SRP68: variants seen among roughly 807,000 people sequenced by gnomAD.
SRP68 encodes signal recognition particle 68.
Under a neutral mutation model 82.2 loss-of-function variants are expected in SRP68, and 15 were observed. That is an observed-to-expected ratio of 0.18 (90% CI 0.12 to 0.28). SRP68 has a LOEUF of 0.28. SRP68 is among the 10% of genes least tolerant of loss of function. The pLI is 1.00. For missense variants in SRP68, 595 were observed against 780.5 expected (o/e 0.76, Z 2.83); for synonymous variants, 261 against 292.6 (o/e 0.89, Z 1.10).
chr17:76,041,268 A>T lies in SRP68; in HGVS notation c.1525-290T>A, dbSNP rs573390718. 3.4e-5 allele frequency: 8 copies of T among 236,130 alleles called. No individual in the cohort carries two copies. In the South Asian group the frequency reaches 6.7e-4, roughly 20 times the overall value. 14.6% of individuals were successfully genotyped at this position (236,130 alleles called of 1,614,324 possible). On this transcript the variant is annotated intron_variant, in intron 13 of 15. Coordinates refer to ENST00000307877, the MANE Select transcript of SRP68 (RefSeq NM_014230.4). ...GGCATTGTTCTAAGCAGGTTACATA[A>T]TCACTAGCTTAACCTTCTCAATAAT...
intron 13 of SRP68, among the ~76,000 whole-genome samples, chr17:76,042,251 G>C (rs2066596763): frequency 6.6e-6 from 1 of 152,014 alleles, no homozygotes; most frequent in African/African-American, 2.4e-5. Flanking sequence ...AGCTGATGTT[G>C]CAACAAGTTC....
At position 76,055,754 on chromosome 17, in the gene SRP68, T is replaced by TA. The variant is rs747656393; in HGVS notation, c.978+1648dup. 8.7e-3 allele frequency among the ~76,000 whole-genome samples: 1,206 copies of TA among 139,290 alleles called. 16 individuals are homozygous for TA. Among genetic ancestry groups the TA allele is most frequent in the African/African-American group, 0.027 (1,020 of 38,074 alleles). The allele number at this position is 139,290 out of a possible 152,430, so 91.4% of individuals were successfully genotyped here. A position where few individuals can be genotyped will look rare whatever the true frequency, so the allele number is the denominator to read the frequency against. On this transcript the variant is annotated intron_variant, in intron 8 of 15. Coordinates refer to ENST00000307877, the MANE Select transcript of SRP68 (RefSeq NM_014230.4). Reference sequence around the variant, plus strand: ...GGGTGACAGAGAGAGACTCTGTCTTTAAAAAAAAAAAAAATGTGTATTTAA... The same window carrying TA: ...GGGTGACAGAGAGAGACTCTGTCTTTAAAAAAAAAAAAAAATGTGTATTTAA...
intron 4 of SRP68, among the ~76,000 whole-genome samples, chr17:76,062,732 T>TATATATATATATAAA (rs1227901320): frequency 9.3e-4 from 2 of 2,148 alleles, no homozygotes; most frequent in African/African-American, 6.8e-3. Flanking sequence ...ATTTATTTTA[T>TATATATATATATAAA]ATATATATAT....
chr17:76,068,330 G>A (rs1481099814), intron 2 of SRP68, among the ~76,000 whole-genome samples: 1 of 151,274 alleles, frequency 6.6e-6, no homozygotes, highest in Non-Finnish European at 1.5e-5. Flanking sequence ...GCGGGCGGGC[G>A]CCTATAATTC....
At chr17:76,068,824 G>GAGCAATTCCGGGGCTT (rs1456979793) in intron 2 of SRP68, among the ~76,000 whole-genome samples, 4 of 151,994 alleles carry the variant, frequency 2.6e-5, no homozygotes, top group Non-Finnish European at 5.9e-5. Flanking sequence ...GGCTGGGCTC[G>GAGCAATTCCGGGGCTT]AACTCCGGGG....
intron 7 of SRP68, among the ~76,000 whole-genome samples, chr17:76,058,975 A>G (rs1284443588): frequency 6.6e-6 from 1 of 152,168 alleles, no homozygotes; most frequent in East Asian, 1.9e-4. Context: ...CATGCCTGTG[A>G]TCCCCTGTGA....
intron 4 of SRP68, among the ~76,000 whole-genome samples, chr17:76,063,379 C>A (rs1252587887): frequency 6.6e-6 from 1 of 152,000 alleles, no homozygotes; most frequent in African/African-American, 2.4e-5. Flanking sequence ...AAAACATGAC[C>A]TTTCTTAAAA....
Position 76,039,437 on chromosome 17 carries a change from C to T in SRP68, c.*269G>A, listed in dbSNP as rs943472742. 1.6e-5 allele frequency: 10 copies of T among 623,214 alleles called. No individual in the cohort carries two copies. The African/African-American group carries it at 1.8e-4, about 11-fold the overall frequency. 38.6% of individuals were successfully genotyped at this position (623,214 alleles called of 1,614,324 possible). On this transcript the variant is annotated 3_prime_UTR_variant, in exon 16 of 16. Transcript: ENST00000307877. ...ACCAAAGGCAATCAATCACAGCTCA[C>T]AGGGCACCAGACAGCAGCGGCCCCT... is the stretch of plus-strand genomic sequence containing the variant.
At chr17:76,068,270 C>A (rs2066822357) in intron 2 of SRP68, among the ~76,000 whole-genome samples, 1 of 149,886 alleles carries the variant, frequency 6.7e-6, no homozygotes. Flanking sequence ...TCAGCCTGGG[C>A]AACAACAGTA....
At chr17:76,067,186 TA>T in intron 3 of SRP68, 30 bp downstream of exon 3, 1 of 1,492,286 alleles carries the variant, frequency 6.7e-7, no homozygotes, top group Non-Finnish European at 9.3e-7. Flanking sequence ...TAGCAAGAAG[TA>T]ATTTGCAACT....
chr17:76,061,534 T>G lies in SRP68; in HGVS notation c.602A>C (p.His201Pro). Residue 201 changes from histidine to proline, a missense_variant, in exon 5 of 16, where the codon CAT becomes CCT. Physicochemically the swap from His to Pro is moderately conservative, Grantham distance 77. Around this residue, in one of 2 missense-constraint regions of SRP68, gnomAD observed 495 missense variants for 688.6 expected, o/e 0.72. Transcript: ENST00000307877. Reference protein sequence around the residue: ...AYLSGMLRFEHQEWKAAIEAF... With the variant: ...AYLSGMLRFEPQEWKAAIEAF... ...CTCAATGGCAGCTTTCCATTCTTGATGTTCAAAACGTAGCATTCCTGAGAG... is the reference window on the plus strand; with the variant it reads ...CTCAATGGCAGCTTTCCATTCTTGAGGTTCAAAACGTAGCATTCCTGAGAG... 1 of 1,614,088 alleles carries G rather than the reference T, an allele frequency of 6.2e-7. No homozygotes were observed. Among genetic ancestry groups the G allele is most frequent in the South Asian group, 1.1e-5 (1 of 91,074 alleles).
chr17:76,061,135 G>A lies in SRP68; in HGVS notation c.729C>T (p.Asn243=). 6.2e-7 allele frequency: 1 copy of A among 1,612,746 alleles called. No individual in the cohort carries two copies. The highest frequency in any genetic ancestry group is 8.5e-7 in the Non-Finnish European group (1 of 1,178,670). Residue 243 remains asparagine (N), a synonymous_variant, in exon 6 of 16, where the codon AAC becomes AAT. Transcript: ENST00000307877. ...YNQRVEEISP[N]IRYCAYNIGD... ...CAATATTATATGCACAATAGCGGATGTTGGGTGAAATCTCTTCCACACGTT... is the reference window on the plus strand; with the variant it reads ...CAATATTATATGCACAATAGCGGATATTGGGTGAAATCTCTTCCACACGTT...
At chr17:76,062,677 A>ATT (rs1234030562) in intron 4 of SRP68, among the ~76,000 whole-genome samples, 1 of 37,162 alleles carries the variant, frequency 2.7e-5, no homozygotes, top group African/African-American at 3.3e-4. Flanking sequence ...TACATTATAT[A>ATT]ATATATAATA....
At chr17:76,052,251 TG>T (rs2066678416) in intron 8 of SRP68, among the ~76,000 whole-genome samples, 1 of 152,176 alleles carries the variant, frequency 6.6e-6, no homozygotes, top group African/African-American at 2.4e-5. Flanking sequence ...AGTGCAGCAC[TG>T]GAGCACATGC....
At position 76,069,513 on chromosome 17, in the gene SRP68, A is replaced by G. The variant is rs1247517716; in HGVS notation, c.251+865T>C. On this transcript the variant is annotated intron_variant, in intron 2 of 15. Transcript: ENST00000307877. ...GTGGATCACCTGAGGTCAGGAGTTCAAGACCAGCCTGGCCAACATGGTGAA... is the reference window on the plus strand; with the variant it reads ...GTGGATCACCTGAGGTCAGGAGTTCGAGACCAGCCTGGCCAACATGGTGAA... Among the ~76,000 whole-genome samples, 11 of 148,404 alleles carry G rather than the reference A, an allele frequency of 7.4e-5. No homozygotes were observed. In the East Asian group the frequency reaches 8.2e-4, roughly 11 times the overall value.
Position 76,070,222 on chromosome 17 carries a change from CA to C in SRP68, c.251+155del, listed in dbSNP as rs386386662. On this transcript the variant is annotated intron_variant, in intron 2 of 15. Transcript: ENST00000307877. ...CTGGCGACAGAGCGAGACTCCATCT[CA>C]AAAAAAAAAAAAAAAACAAAGCAAA... 5.2e-4 allele frequency among the ~76,000 whole-genome samples: 50 copies of C among 95,492 alleles called. No homozygotes were observed. In the South Asian group the frequency reaches 8.4e-3, roughly 16 times the overall value. The allele number at this position is 95,492 out of a possible 152,430, so 62.6% of individuals were successfully genotyped here.
chr17:76,040,354 G>T, intron 15 of SRP68, 65 bp downstream of exon 15: 1 of 1,467,518 alleles, frequency 6.8e-7, no homozygotes, highest in Non-Finnish European at 9.6e-7. Flanking sequence ...TCTATAATGA[G>T]CATGCATTCC....
At chr17:76,060,236 C>G in intron 7 of SRP68, 72 bp downstream of exon 7, 1 of 920,184 alleles carries the variant, frequency 1.1e-6, no homozygotes, top group South Asian at 1.5e-5. Flanking sequence ...TCAAATATCC[C>G]TAGGGGATTA....
At position 76,046,518 on chromosome 17, in the gene SRP68, G is replaced by A. The variant is rs145800127; in HGVS notation, c.1143-324C>T. Among the ~76,000 whole-genome samples the A allele has an allele frequency of 6.7e-5, 10 of 149,688 alleles. No homozygotes were observed. In the East Asian group the frequency reaches 1.8e-3, roughly 26 times the overall value. Reference sequence around the variant, plus strand: ...AGAGAGTGGGATCCCAGCAACTCACGAGGCAGGAGATCACCTGAGCCTGGG... The same window carrying A: ...AGAGAGTGGGATCCCAGCAACTCACAAGGCAGGAGATCACCTGAGCCTGGG... On this transcript the variant is annotated intron_variant, in intron 10 of 15. Coordinates refer to ENST00000307877, the MANE Select transcript of SRP68 (RefSeq NM_014230.4).
Sources: allele counts gnomAD v4.1 joint callset (sites outside exome capture counted in the v4.1 genomes callset), GRCh38; gene constraint gnomAD v4.1.1; regional missense constraint gnomAD v4.1.1; transcripts MANE v1.5; gene names NCBI Gene and HGNC (gene_info 2026-07-23, HGNC 2026-07-21).